The following UBTD2 variants were observed in gnomAD, a reference collection of about 807,000 sequenced individuals.
UBTD2 encodes the protein ubiquitin domain containing 2.
In UBTD2, 9 loss-of-function variants were observed where a neutral mutation model predicts 19.8. The ratio of observed to expected loss-of-function variants is 0.46; its 90% CI spans 0.27 to 0.79. The LOEUF (loss-of-function observed/expected upper bound fraction) is 0.79, where lower values mean the gene tolerates loss of function less well. Ranked by LOEUF, UBTD2 falls within the 30% of genes least tolerant of loss-of-function variation. UBTD2 has a pLI of 0.14. For missense variants in UBTD2, 250 were observed against 300.4 expected, an observed-to-expected ratio of 0.83 and a Z score of 1.24; for synonymous variants, 98 against 103.9, an observed-to-expected ratio of 0.94 and a Z score of 0.35.
Position 172,228,409 on chromosome 5 carries a change from A to G in UBTD2, c.307+5713T>C, listed in dbSNP as rs368195346. On this transcript the variant is annotated intron_variant, in intron 2 of 2. Transcript: ENST00000393792. Reference sequence around the variant, plus strand: ...ACTGTTGTAGGTGATTATTACAGGCATAAGAATTAAATGTTAATTCAAAAC... The same window carrying G: ...ACTGTTGTAGGTGATTATTACAGGCGTAAGAATTAAATGTTAATTCAAAAC... Among the ~76,000 whole-genome samples, 27 of 152,326 alleles carry G rather than the reference A, an allele frequency of 1.8e-4. No homozygotes were observed. The East Asian group carries it at 3.7e-3, about 21-fold the overall frequency.
At chr5:172,269,641 C>T (rs1194877189) in intron 1 of UBTD2, among the ~76,000 whole-genome samples, 1 of 150,368 alleles carries the variant, frequency 6.7e-6, no homozygotes, top group Non-Finnish European at 1.5e-5. Flanking sequence ...AAAACCCAAG[C>T]GGTCTGAAGA....
In UBTD2 at chr5:172,216,217, C is replaced by A. The variant is rs566472567; in HGVS notation, c.308-3990G>T. Among the ~76,000 whole-genome samples the A allele has an allele frequency of 2.4e-4, 37 of 151,668 alleles. No individual in the cohort carries two copies. The East Asian group carries it at 6.8e-3, about 28-fold the overall frequency. On this transcript the variant is annotated intron_variant, in intron 2 of 2. Transcript: ENST00000393792. Reference sequence around the variant, plus strand: ...AACTACAACAAAAAAGCCCAAAAAACCCCATGAAATCTAAAAACAAAAAAC... The same window carrying A: ...AACTACAACAAAAAAGCCCAAAAAAACCCATGAAATCTAAAAACAAAAAAC...
At position 172,246,566 on chromosome 5, in the gene UBTD2, T is replaced by G. The variant is rs1291994246; in HGVS notation, c.71-12208A>C. ...TCCAAGCAGTTCTCCTGCCTCAGCC[T>G]CCCAAAAGCTGGGACTACAGGTGAA... On this transcript the variant is annotated intron_variant, in intron 1 of 2. Transcript: ENST00000393792. 2.7e-5 allele frequency among the ~76,000 whole-genome samples: 4 copies of G among 147,260 alleles called. No homozygotes were observed. In the East Asian group the frequency reaches 8.4e-4, roughly 31 times the overall value.
At chr5:172,250,336 T>C (rs946987998) in intron 1 of UBTD2, among the ~76,000 whole-genome samples, 3 of 152,216 alleles carry the variant, frequency 2.0e-5, no homozygotes, top group East Asian at 1.9e-4. Context: ...GTGAAGAAAG[T>C]TGGCAGTTGC....
At chr5:172,233,549 AAG>A (rs1389034042) in intron 2 of UBTD2, among the ~76,000 whole-genome samples, 1 of 152,134 alleles carries the variant, frequency 6.6e-6, no homozygotes, top group Non-Finnish European at 1.5e-5. Flanking sequence ...TCCTACGCAA[AAG>A]AGAGAAGTTC....
intron 2 of UBTD2, among the ~76,000 whole-genome samples, chr5:172,232,062 G>C (rs922058930): frequency 4.6e-5 from 7 of 152,172 alleles, no homozygotes; most frequent in Non-Finnish European, 5.9e-5. Flanking sequence ...CTTGAGGCCA[G>C]GAGTTCGAGA....
rs141063655 is a variant in UBTD2, at chr5:172,217,157, A to G, written c.308-4930T>C. On this transcript the variant is annotated intron_variant, in intron 2 of 2. Coordinates refer to ENST00000393792, the MANE Select transcript of UBTD2 (RefSeq NM_152277.3). Reference sequence around the variant, plus strand: ...CAGGGCGTGGTGGCTTATGCCTACAATCCCAGCACTTTGGGAGGCCAAGGT... The same window carrying G: ...CAGGGCGTGGTGGCTTATGCCTACAGTCCCAGCACTTTGGGAGGCCAAGGT... Among the ~76,000 whole-genome samples, 469 of 152,170 alleles carry G rather than the reference A, an allele frequency of 3.1e-3. 1 individual carries two copies. The highest frequency in any genetic ancestry group is 0.011 in the African/African-American group (449 of 41,522).
chr5:172,242,635 A>G (rs1218081713), intron 1 of UBTD2, among the ~76,000 whole-genome samples: 3 of 152,196 alleles, frequency 2.0e-5, no homozygotes, highest in South Asian at 2.1e-4. Context: ...AACACATGAG[A>G]AGGCTAAGTT....
At chr5:172,261,125 C>G (rs561219617) in intron 1 of UBTD2, among the ~76,000 whole-genome samples, 1 of 152,172 alleles carries the variant, frequency 6.6e-6, no homozygotes, top group Non-Finnish European at 1.5e-5. Flanking sequence ...GGTTCCCCCT[C>G]CCCCGCTTCT....
At chr5:172,222,971 A>G (rs1370814076) in intron 2 of UBTD2, among the ~76,000 whole-genome samples, 2 of 152,212 alleles carry the variant, frequency 1.3e-5, no homozygotes, top group Admixed American at 6.5e-5. Context: ...CTGTTTTATC[A>G]TCTACCTGAA....
rs1378338736 is a variant in UBTD2 at position 172,283,310 on chromosome 5, G to A, written c.70+286C>T. On this transcript the variant is annotated intron_variant, in intron 1 of 2. Coordinates refer to ENST00000393792, the MANE Select transcript of UBTD2 (RefSeq NM_152277.3). This position sits in a 1 kb window ranked among gnomAD's most constrained non-coding sequence, Gnocchi z 4.3. ...AAACGGCCTGGAGAGGGAGTGAGGT[G>A]GCCAGAAGGGCAGCTTCGGGTCCGA... is the stretch of plus-strand genomic sequence containing the variant. 6.6e-6 allele frequency among the ~76,000 whole-genome samples: 1 copy of A among 152,034 alleles called. No homozygotes were observed. Among genetic ancestry groups the A allele is most frequent in the Non-Finnish European group, 1.5e-5 (1 of 67,996 alleles).
At chr5:172,218,060 T>C (rs764496493) in intron 2 of UBTD2, among the ~76,000 whole-genome samples, 11 of 152,212 alleles carry the variant, frequency 7.2e-5, no homozygotes, top group Non-Finnish European at 1.3e-4. Flanking sequence ...CAAGTTCACA[T>C]GGAACATTTA....
At chr5:172,271,468 C>T (rs1755490387) in intron 1 of UBTD2, among the ~76,000 whole-genome samples, 1 of 151,480 alleles carries the variant, frequency 6.6e-6, no homozygotes, top group African/African-American at 2.4e-5. Context: ...TCTTGTATCA[C>T]TGTTTCAGTG....
intron 1 of UBTD2, among the ~76,000 whole-genome samples, chr5:172,278,449 G>T (rs1250406218): frequency 6.6e-6 from 1 of 151,870 alleles, no homozygotes; most frequent in Admixed American, 6.6e-5. Context: ...AACCTGGGAG[G>T]TAGAGGTTGC....
chr5:172,228,654 G>A (rs1329822226), intron 2 of UBTD2, among the ~76,000 whole-genome samples: 1 of 151,970 alleles, frequency 6.6e-6, no homozygotes, highest in African/African-American at 2.4e-5. Context: ...CCAGGAGGTG[G>A]AGGTTGCAGT....
intron 1 of UBTD2, among the ~76,000 whole-genome samples, chr5:172,252,043 T>C (rs912972101): frequency 3.3e-5 from 5 of 152,222 alleles, no homozygotes; most frequent in Admixed American, 3.3e-4. Flanking sequence ...CACATAAATG[T>C]ACACTGAATT....
At chr5:172,237,677 C>T (rs1239504237) in intron 1 of UBTD2, among the ~76,000 whole-genome samples, 1 of 152,100 alleles carries the variant, frequency 6.6e-6, no homozygotes, top group Non-Finnish European at 1.5e-5. Context: ...AAAAAATTAG[C>T]ATTTAGCAAA....
intron 2 of UBTD2, among the ~76,000 whole-genome samples, chr5:172,225,595 G>A (rs1416363942): frequency 6.6e-6 from 1 of 152,182 alleles, no homozygotes; most frequent in Non-Finnish European, 1.5e-5. Context: ...CGTGAGACTT[G>A]CATCACTACA....
intron 1 of UBTD2, among the ~76,000 whole-genome samples, chr5:172,256,748 C>A (rs1755161059): frequency 2.0e-5 from 3 of 151,876 alleles, no homozygotes. Flanking sequence ...TGGTGAAACA[C>A]CATCTCTACT....
Sources: gnomAD v4.1 joint callset for allele counts (sites outside exome capture counted in the v4.1 genomes callset) on GRCh38, gnomAD v4.1.1 for gene constraint, Gnocchi (gnomAD v3.1) non-coding constraint, MANE v1.5 for transcripts, NCBI Gene and HGNC (gene_info 2026-07-23, HGNC 2026-07-21) for gene names.